Variants in NTRK2 observed in about 807,000 individuals in gnomAD.
The protein encoded by NTRK2 is neurotrophic receptor tyrosine kinase 2, also known as BDNF/NT-3 growth factors receptor.
Under a neutral mutation model 94.5 loss-of-function variants are expected in NTRK2, and 13 were observed. The ratio of observed to expected loss-of-function variants is 0.14; its 90% CI spans 0.09 to 0.22. NTRK2 has a LOEUF of 0.22. Among genes scored for constraint, NTRK2 ranks in the 10% least tolerant of loss-of-function variants. The pLI, the probability that NTRK2 is intolerant of heterozygous loss-of-function variation, is 1.00. For synonymous variants in NTRK2, 372 were observed against 407.4 expected (o/e 0.91, Z 1.05); for missense variants, 639 against 1,071.2 (o/e 0.60, Z 5.63).
intron 14 of NTRK2, among the ~76,000 whole-genome samples, chr9:84,910,595 C>T (rs960293927): frequency 2.0e-5 from 3 of 152,064 alleles, no homozygotes; most frequent in Non-Finnish European, 4.4e-5. Flanking sequence ...CAAATAAGGT[C>T]CCAATCTGAG....
chr9:84,842,167 G>C (rs2074224344), intron 12 of NTRK2, among the ~76,000 whole-genome samples: 1 of 152,122 alleles, frequency 6.6e-6, no homozygotes, highest in Non-Finnish European at 1.5e-5. Flanking sequence ...TCAGGAAAAG[G>C]CTGACTGAGC....
chr9:84,688,880 G>A (rs1274975188), intron 2 of NTRK2, among the ~76,000 whole-genome samples: 1 of 152,194 alleles, frequency 6.6e-6, no homozygotes, highest in Non-Finnish European at 1.5e-5. Context: ...GTTTGTGTAG[G>A]GGAGTGATTC....
intron 4 of NTRK2, among the ~76,000 whole-genome samples, chr9:84,704,022 T>C (rs2060889670): frequency 6.6e-6 from 1 of 152,180 alleles, no homozygotes; most frequent in Admixed American, 6.5e-5. Flanking sequence ...ACTCAACAAC[T>C]GCATTTTACT....
rs71369159 is a variant in NTRK2 at position 84,888,982 on chromosome 9, ATTT to A, written c.1633+21575_1633+21577del. On this transcript the variant is annotated intron_variant, in intron 14 of 18. Transcript: ENST00000277120. The stretch of plus-strand genomic sequence containing the variant: ...TCCCCATTATTTATTAATGACAGAA[ATTT>A]TTTTTTTTTTTTTTTTTTTTTTTGA... 2.0e-3 allele frequency among the ~76,000 whole-genome samples: 204 copies of A among 101,700 alleles called. 38 individuals carry two copies. The highest frequency in any genetic ancestry group is 7.3e-3 in the African/African-American group (183 of 25,012). 66.7% of individuals were successfully genotyped at this position (101,700 alleles called of 152,430 possible). A position where few individuals can be genotyped will look rare whatever the true frequency, so the allele number is the denominator to read the frequency against.
intron 17 of NTRK2, among the ~76,000 whole-genome samples, chr9:84,966,488 A>G (rs1363958591): frequency 6.6e-6 from 1 of 152,096 alleles, no homozygotes; most frequent in Non-Finnish European, 1.5e-5. Flanking sequence ...CTGGAGTGTA[A>G]TGGCACAATA....
intron 14 of NTRK2, among the ~76,000 whole-genome samples, chr9:84,928,648 T>C (rs930899781): frequency 2.0e-5 from 3 of 152,154 alleles, no homozygotes; most frequent in Non-Finnish European, 4.4e-5. Context: ...GGGAAAGTCA[T>C]GTCACTGTGC....
chr9:84,877,770 A>G, intron 14 of NTRK2: 1 of 1,055,636 alleles, frequency 9.5e-7, no homozygotes, highest in Non-Finnish European at 1.1e-6. Context: ...TGTATGAGTG[A>G]CCAATGGAGC....
chr9:84,844,069 G>A (rs1020716584), intron 12 of NTRK2, among the ~76,000 whole-genome samples: 2 of 152,218 alleles, frequency 1.3e-5, no homozygotes, highest in Non-Finnish European at 1.5e-5. Flanking sequence ...CAAGGCCTAG[G>A]TGAGGAGTTT....
chr9:84,797,647 A>ATATACTAT lies in NTRK2; in HGVS notation c.1396+45562_1396+45563insTATACTAT, dbSNP rs753080405. Among the ~76,000 whole-genome samples, 499 of 53,602 alleles carry ATATACTAT rather than the reference A, an allele frequency of 9.3e-3. 84 individuals are homozygous for ATATACTAT. Among genetic ancestry groups the ATATACTAT allele is most frequent in the African/African-American group, 0.047 (442 of 9,388 alleles). The allele number at this position is 53,602 out of a possible 152,430, so 35.2% of individuals were successfully genotyped here. On this transcript the variant is annotated intron_variant, in intron 12 of 18. Coordinates refer to ENST00000277120, the MANE Select transcript of NTRK2 (RefSeq NM_006180.6). ...ATATATTATATATTATATATACTAT[A>ATATACTAT]ATAATATATATATTATATATTATAT... is the stretch of plus-strand genomic sequence containing the variant.
intron 14 of NTRK2, among the ~76,000 whole-genome samples, chr9:84,908,302 T>C (rs879335467): frequency 6.6e-6 from 1 of 152,216 alleles, no homozygotes; most frequent in Non-Finnish European, 1.5e-5. Context: ...CATGTCAGAG[T>C]AGAAGTGACT....
At chr9:84,781,306 A>G (rs1246364330) in intron 12 of NTRK2, among the ~76,000 whole-genome samples, 2 of 152,032 alleles carry the variant, frequency 1.3e-5, no homozygotes, top group Admixed American at 6.6e-5. Context: ...ACTGAACACC[A>G]CCTCTAAAAT....
chr9:84,924,127 G>T (rs1000156486), intron 14 of NTRK2, among the ~76,000 whole-genome samples: 1 of 151,744 alleles, frequency 6.6e-6, no homozygotes, highest in African/African-American at 2.4e-5. Flanking sequence ...TGGGAGGACT[G>T]TTTGAATCCA....
At chr9:84,806,818 T>G (rs1320610779) in intron 12 of NTRK2, among the ~76,000 whole-genome samples, 2 of 152,216 alleles carry the variant, frequency 1.3e-5, no homozygotes, top group East Asian at 3.8e-4. Flanking sequence ...TGATGGAAAG[T>G]TTTTGAACCC....
At chr9:84,754,606 C>T (rs1219907598) in intron 12 of NTRK2, among the ~76,000 whole-genome samples, 1 of 152,140 alleles carries the variant, frequency 6.6e-6, no homozygotes, top group African/African-American at 2.4e-5. Flanking sequence ...TATTATGCTT[C>T]CGAAAATAAC....
intron 15 of NTRK2, 77 bp downstream of exon 15, chr9:84,934,369 T>G (rs753657027): frequency 7.8e-6 from 12 of 1,534,216 alleles, no homozygotes; most frequent in Non-Finnish European, 1.1e-5. Flanking sequence ...TTTATTATAT[T>G]TTGGTGGCCA....
chr9:84,743,188 T>C (rs2063795634), intron 10 of NTRK2, among the ~76,000 whole-genome samples: 1 of 152,146 alleles, frequency 6.6e-6, no homozygotes, highest in South Asian at 2.1e-4. Flanking sequence ...AAAACCCATA[T>C]TTAACAGATT....
intron 2 of NTRK2, among the ~76,000 whole-genome samples, chr9:84,697,671 T>G (rs1323239952): frequency 6.6e-6 from 1 of 152,118 alleles, no homozygotes; most frequent in African/African-American, 2.4e-5. Context: ...GCCAGGGCTG[T>G]GGAGATCCTC....
At chr9:84,826,828 C>T (rs2073222455) in intron 12 of NTRK2, among the ~76,000 whole-genome samples, 1 of 152,184 alleles carries the variant, frequency 6.6e-6, no homozygotes, top group Non-Finnish European at 1.5e-5. Context: ...ATTTAAATCT[C>T]TGGACATCAA....
At chr9:84,880,799 C>T (rs1230800180) in intron 14 of NTRK2, among the ~76,000 whole-genome samples, 2 of 152,142 alleles carry the variant, frequency 1.3e-5, no homozygotes, top group Non-Finnish European at 2.9e-5. Context: ...TGAGTTAGAA[C>T]GGCAAGGTTA....
Sources: allele counts gnomAD v4.1 joint callset (sites outside exome capture counted in the v4.1 genomes callset), GRCh38; gene constraint gnomAD v4.1.1; transcripts MANE v1.5; gene names NCBI Gene and HGNC (gene_info 2026-07-23, HGNC 2026-07-21).